Variants in ARFGAP3 observed in about 807,000 individuals in gnomAD.
ARFGAP3 encodes the protein ADP-ribosylation factor GTPase-activating protein 3.
Under a neutral mutation model 75.0 loss-of-function variants are expected in ARFGAP3, and 72 were observed. The ratio of observed to expected loss-of-function variants is 0.96; its 90% CI spans 0.79 to 1.17. The LOEUF (loss-of-function observed/expected upper bound fraction) is 1.17. Ranked by LOEUF, ARFGAP3 falls within the 50% of genes most tolerant of loss-of-function variation. The pLI, the probability that ARFGAP3 is intolerant of heterozygous loss-of-function variation, is 0.00. For missense variants in ARFGAP3, 620 were observed against 626.6 expected, an observed-to-expected ratio of 0.99 and a Z score of 0.11; for synonymous variants, 221 against 217.9, an observed-to-expected ratio of 1.01 and a Z score of -0.13.
At chr22:42,843,096 C>A (rs1926858932) in intron 2 of ARFGAP3, among the ~76,000 whole-genome samples, 1 of 151,994 alleles carries the variant, frequency 6.6e-6, no homozygotes, top group Non-Finnish European at 1.5e-5. Context: ...ACCCCCCAAC[C>A]ACATCCCCGC....
At chr22:42,854,344 G>C (rs1161039427) in intron 1 of ARFGAP3, among the ~76,000 whole-genome samples, 3 of 152,218 alleles carry the variant, frequency 2.0e-5, no homozygotes, top group Non-Finnish European at 2.9e-5. Context: ...TTCACCCTTG[G>C]CCAGGTGCGG....
intron 1 of ARFGAP3, among the ~76,000 whole-genome samples, chr22:42,849,360 CTT>C (rs894893817): frequency 6.6e-6 from 1 of 152,226 alleles, no homozygotes; most frequent in Non-Finnish European, 1.5e-5. Context: ...GTCCAGGTCA[CTT>C]TGATAACTCT....
rs865906392 is a variant in ARFGAP3, at chr22:42,817,796, T to A, written c.874A>T (p.Met292Leu). The part of the protein sequence containing the change: ...LEIQMKKDEK[M>L]NISGKKNVDS... ...ACATTTTTTTTGCCACTAATGTTCA[T>A]CTTTTCGTCTTTCTTCATTTGAATT... Residue 292 changes from methionine to leucine, a missense_variant, in exon 10 of 16, where the codon ATG becomes TTG. Transcript: ENST00000263245. The A allele has an allele frequency of 1.2e-6, 2 of 1,613,462 alleles. No homozygotes were observed. Among genetic ancestry groups the A allele is most frequent in the Non-Finnish European group, 1.7e-6 (2 of 1,179,830 alleles).
At chr22:42,848,017 A>G (rs1002312970) in intron 1 of ARFGAP3, among the ~76,000 whole-genome samples, 2 of 151,208 alleles carry the variant, frequency 1.3e-5, no homozygotes, top group African/African-American at 4.9e-5. Flanking sequence ...GGCTCACACC[A>G]CTATACCCAA....
At chr22:42,846,896 G>T (rs528335259) in intron 2 of ARFGAP3, among the ~76,000 whole-genome samples, 2 of 152,324 alleles carry the variant, frequency 1.3e-5, no homozygotes, top group South Asian at 2.1e-4. Flanking sequence ...ATAAAGAAAA[G>T]AAGTTGATTT....
At chr22:42,853,157 CTTATAA>C (rs1048283888) in intron 1 of ARFGAP3, among the ~76,000 whole-genome samples, 7 of 152,144 alleles carry the variant, frequency 4.6e-5, no homozygotes, top group African/African-American at 1.7e-4. Flanking sequence ...CATAAATTAT[CTTATAA>C]TAAGAGTTTC....
At chr22:42,835,261 G>T in intron 4 of ARFGAP3, 101 bp downstream of exon 4, 1 of 1,381,184 alleles carries the variant, frequency 7.2e-7, no homozygotes, top group Non-Finnish European at 9.8e-7. Flanking sequence ...TTCCTTGTAA[G>T]ACAACTCAGG....
intron 14 of ARFGAP3, among the ~76,000 whole-genome samples, chr22:42,803,214 A>G (rs1924958424): frequency 6.6e-6 from 1 of 152,160 alleles, no homozygotes; most frequent in Non-Finnish European, 1.5e-5. Flanking sequence ...TATGTTGTCC[A>G]GGCTGGTCTG....
intron 3 of ARFGAP3, among the ~76,000 whole-genome samples, chr22:42,839,597 C>CAAAAA (rs61512605): frequency 2.7e-5 from 3 of 112,342 alleles, no homozygotes; most frequent in Admixed American, 8.9e-5. Context: ...AACTCTGTCT[C>CAAAAA]AAAAAAAAAA....
chr22:42,835,289 T>C (rs188861440), intron 4 of ARFGAP3, 73 bp downstream of exon 4: 2 of 1,546,420 alleles, frequency 1.3e-6, no homozygotes, highest in East Asian at 2.3e-5. Context: ...GTTTTACTAT[T>C]CAGGATAAAA....
intron 14 of ARFGAP3, among the ~76,000 whole-genome samples, chr22:42,800,993 C>T (rs1924829573): frequency 6.6e-6 from 1 of 152,228 alleles, no homozygotes; most frequent in South Asian, 2.1e-4. Flanking sequence ...CACAGCTCAC[C>T]ACCTACTGGG....
At chr22:42,808,951 T>C in intron 12 of ARFGAP3, 61 bp from the exon 13 acceptor site, 1 of 1,390,290 alleles carries the variant, frequency 7.2e-7, no homozygotes, top group Non-Finnish European at 9.5e-7. Flanking sequence ...ATGTGTTTCA[T>C]ACTCATTTTA....
At chr22:42,812,016 A>G (rs1925386293) in intron 11 of ARFGAP3, among the ~76,000 whole-genome samples, 1 of 152,118 alleles carries the variant, frequency 6.6e-6, no homozygotes. Context: ...ATCTCTACAA[A>G]AAATGCAAAA....
intron 1 of ARFGAP3, among the ~76,000 whole-genome samples, chr22:42,849,029 T>G (rs1340270936): frequency 3.9e-5 from 6 of 152,160 alleles, no homozygotes; most frequent in Non-Finnish European, 8.8e-5. Context: ...ACACTCAGGT[T>G]GCCCTGTGGA....
chr22:42,839,597 C>A (rs1274059425), intron 3 of ARFGAP3, among the ~76,000 whole-genome samples: 552 of 111,802 alleles, frequency 4.9e-3, no homozygotes, highest in Middle Eastern at 9.9e-3. Context: ...AACTCTGTCT[C>A]AAAAAAAAAA....
rs147252207 is a variant in ARFGAP3 at position 42,837,176 on chromosome 22, T to C, written c.262-1683A>G. Among the ~76,000 whole-genome samples the C allele has an allele frequency of 1.8e-3, 267 of 152,304 alleles. 2 individuals are homozygous for C. Among genetic ancestry groups the C allele is most frequent in the Non-Finnish European group, 2.7e-3 (184 of 68,022 alleles). ...TGGGCAAAGGTTTCTAAAAAGATGC[T>C]TGAGGCTGGGCACAGTGGCTCATGC... On this transcript the variant is annotated intron_variant, in intron 3 of 15. Coordinates refer to ENST00000263245, the MANE Select transcript of ARFGAP3 (RefSeq NM_014570.5).
At chr22:42,818,744 A>G (rs1925685653) in intron 9 of ARFGAP3, among the ~76,000 whole-genome samples, 1 of 151,086 alleles carries the variant, frequency 6.6e-6, no homozygotes, top group Non-Finnish European at 1.5e-5. Flanking sequence ...AATTCCTGGC[A>G]AAAGAGGCAT....
intron 2 of ARFGAP3, among the ~76,000 whole-genome samples, chr22:42,846,830 T>C (rs896612953): frequency 1.3e-5 from 2 of 152,238 alleles, no homozygotes; most frequent in Admixed American, 6.5e-5. Flanking sequence ...TAGAAGATGA[T>C]TGACATAAAT....
chr22:42,832,074 T>C (rs1472819631), intron 5 of ARFGAP3, among the ~76,000 whole-genome samples: 1 of 151,770 alleles, frequency 6.6e-6, no homozygotes, highest in African/African-American at 2.4e-5. Context: ...TGAGCCAACA[T>C]GCCTGGCCTG....
Sources: gnomAD v4.1 joint callset for allele counts (sites outside exome capture counted in the v4.1 genomes callset) on GRCh38, gnomAD v4.1.1 for gene constraint, MANE v1.5 for transcripts, NCBI Gene and HGNC (gene_info 2026-07-23, HGNC 2026-07-21) for gene names.